The following PRKN variants were observed in gnomAD, a reference collection of about 807,000 sequenced individuals.
PRKN encodes the protein E3 ubiquitin-protein ligase parkin.
PRKN carries 56 observed loss-of-function variants against 59.5 expected under a neutral mutation model. The observed-to-expected ratio is 0.94, with a 90% CI of 0.76 to 1.18. PRKN has a LOEUF of 1.18. PRKN is among the 50% of genes most tolerant of loss of function. The probability of loss-of-function intolerance (pLI) is 0.00; values close to 1 mark genes in which losing one functional copy is unlikely to be tolerated. For missense variants in PRKN, 657 were observed against 596.4 expected (o/e 1.10, Z -1.06); for synonymous variants, 250 against 222.1 (o/e 1.13, Z -1.12).
rs978163553 is a variant in PRKN, at chr6:161,379,065, G to T, written c.1167+7729C>A. ...GAAAGGGAGTTGCCATCCTGGAAGG[G>T]GTAACTGACTCTCAGGAGCAGGCAG... On this transcript the variant is annotated intron_variant, in intron 10 of 11. Transcript: ENST00000366898. The surrounding 1 kb of genome is among the most constrained non-coding windows in gnomAD (Gnocchi z 4.9). Among the ~76,000 whole-genome samples, 13 of 152,168 alleles carry T rather than the reference G, an allele frequency of 8.5e-5. No individual in the cohort carries two copies. Among genetic ancestry groups the T allele is most frequent in the Non-Finnish European group, 1.8e-4 (12 of 68,034 alleles).
At chr6:161,777,282 T>C (rs1314251859) in intron 7 of PRKN, among the ~76,000 whole-genome samples, 1 of 152,150 alleles carries the variant, frequency 6.6e-6, no homozygotes. Flanking sequence ...ATCCTACCCT[T>C]AGAAAGTATA....
At chr6:162,287,559 C>A (rs1781250461) in intron 2 of PRKN, among the ~76,000 whole-genome samples, 1 of 152,040 alleles carries the variant, frequency 6.6e-6, no homozygotes, top group South Asian at 2.1e-4. Flanking sequence ...CAGAGAGAGA[C>A]CTTGCTCCTT....
intron 1 of PRKN, among the ~76,000 whole-genome samples, chr6:162,647,163 G>A (rs1228270711): frequency 2.6e-5 from 4 of 151,902 alleles, no homozygotes; most frequent in Admixed American, 1.3e-4. Flanking sequence ...TAGAGAGAAA[G>A]AATAATAATA....
rs925064587 is a variant in PRKN at position 161,467,744 on chromosome 6, C to A, written c.1084-80867G>T. ...AACAGAACACCAACTATGTGCCCAG[C>A]AAAATTCTACTTTTCCAGCCTTGCT... On this transcript the variant is annotated intron_variant, in intron 9 of 11. Transcript: ENST00000366898. The surrounding 1 kb of genome is among the most constrained non-coding windows in gnomAD (Gnocchi z 4.3). Among the ~76,000 whole-genome samples the A allele has an allele frequency of 1.3e-5, 2 of 152,114 alleles. No individual in the cohort carries two copies. Among genetic ancestry groups the A allele is most frequent in the Admixed American group, 6.5e-5 (1 of 15,282 alleles).
At position 161,354,441 on chromosome 6, in the gene PRKN, GA is replaced by G. The variant is rs1472075785; in HGVS notation, c.1286-4231del. Among the ~76,000 whole-genome samples the G allele has an allele frequency of 6.6e-6, 1 of 152,202 alleles. No individual in the cohort carries two copies. Among genetic ancestry groups the G allele is most frequent in the Admixed American group, 6.5e-5 (1 of 15,274 alleles). On this transcript the variant is annotated intron_variant, in intron 11 of 11. Coordinates refer to ENST00000366898, the MANE Select transcript of PRKN (RefSeq NM_004562.3). The surrounding 1 kb of genome is among the most constrained non-coding windows in gnomAD (Gnocchi z 6.7). ...CAGCAATTCTTCCACTAGATTTAATGAGAGCGTGGAAGTCCCTGAACAACCT... is the reference window on the plus strand; with the variant it reads ...CAGCAATTCTTCCACTAGATTTAATGGAGCGTGGAAGTCCCTGAACAACCT...
At chr6:161,650,083 G>A (rs982235843) in intron 7 of PRKN, among the ~76,000 whole-genome samples, 1 of 152,150 alleles carries the variant, frequency 6.6e-6, no homozygotes, top group South Asian at 2.1e-4. Flanking sequence ...AGTCCCCAGA[G>A]GTCAAGTTAT....
chr6:161,500,636 C>T (rs1156696972), intron 9 of PRKN, among the ~76,000 whole-genome samples: 1 of 152,168 alleles, frequency 6.6e-6, no homozygotes, highest in Middle Eastern at 3.4e-3. Flanking sequence ...CTTGACAGTA[C>T]GTTTCTTTTT....
rs1484903085 is a variant in PRKN, at chr6:161,353,800, G to A, written c.1286-3589C>T. On this transcript the variant is annotated intron_variant, in intron 11 of 11. Coordinates refer to ENST00000366898, the MANE Select transcript of PRKN (RefSeq NM_004562.3). The surrounding 1 kb of genome is among the most constrained non-coding windows in gnomAD (Gnocchi z 4.8). ...CGGTGAGTGGCAGTCCTGTGGGACT[G>A]AGCCCCCAGCCTGAGGGATCAGACA... 6.6e-6 allele frequency among the ~76,000 whole-genome samples: 1 copy of A among 152,194 alleles called. No individual in the cohort carries two copies. The highest frequency in any genetic ancestry group is 2.4e-5 in the African/African-American group (1 of 41,444).
chr6:162,629,569 TA>T (rs1318132712), intron 1 of PRKN, among the ~76,000 whole-genome samples: 1 of 152,172 alleles, frequency 6.6e-6, no homozygotes, highest in African/African-American at 2.4e-5. Flanking sequence ...AATTAATTGA[TA>T]AAAGTTTCAG....
chr6:162,315,511 T>C (rs1208406489), intron 2 of PRKN, among the ~76,000 whole-genome samples: 1 of 152,164 alleles, frequency 6.6e-6, no homozygotes, highest in Non-Finnish European at 1.5e-5. Flanking sequence ...TTCAAATTTG[T>C]TGTTCATCTG....
rs62436811 is a variant in PRKN at position 161,641,854 on chromosome 6, A to G, written c.872-72438T>C. Among the ~76,000 whole-genome samples the G allele has an allele frequency of 2.5e-3, 379 of 152,352 alleles. 1 individual carries two copies. The highest frequency in any genetic ancestry group is 4.8e-3 in the Non-Finnish European group (324 of 68,030). On this transcript the variant is annotated intron_variant, in intron 7 of 11. Coordinates refer to ENST00000366898, the MANE Select transcript of PRKN (RefSeq NM_004562.3). ...ATGGGCTGGGTAGTACCATTCCTGT[A>G]AATTCCCTTGCAGACAACATTAAAA...
chr6:162,441,209 A>G, intron 2 of PRKN, among the ~76,000 whole-genome samples: 1 of 152,108 alleles, frequency 6.6e-6, no homozygotes, highest in East Asian at 1.9e-4. Flanking sequence ...CCGGGTCTTC[A>G]GACTTCCCAT....
intron 6 of PRKN, among the ~76,000 whole-genome samples, chr6:161,902,556 A>ATCTATTTTTTTTTTTTTTTT (rs1382089937): frequency 1.7e-5 from 2 of 118,194 alleles, no homozygotes; most frequent in South Asian, 2.7e-4. Flanking sequence ...CTATTTATTT[A>ATCTATTTTTTTTTTTTTTTT]TTTATTTATT....
At chr6:162,533,970 CAA>C (rs139214272) in intron 1 of PRKN, among the ~76,000 whole-genome samples, 166 of 82,884 alleles carry the variant, frequency 2.0e-3, no homozygotes, top group African/African-American at 6.5e-3. Context: ...GACTCCATCT[CAA>C]AAAAAAAAAA....
chr6:162,118,208 A>G (rs888679917), intron 4 of PRKN, among the ~76,000 whole-genome samples: 1 of 152,060 alleles, frequency 6.6e-6, no homozygotes, highest in Admixed American at 6.6e-5. Flanking sequence ...TCAGGAGATC[A>G]AGACCATCCT....
rs993834617 is a variant in PRKN at position 161,440,359 on chromosome 6, C to T, written c.1084-53482G>A. Among the ~76,000 whole-genome samples, 1 of 152,152 alleles carries T rather than the reference C, an allele frequency of 6.6e-6. No individual in the cohort carries two copies. The highest frequency in any genetic ancestry group is 6.5e-5 in the Admixed American group (1 of 15,276). On this transcript the variant is annotated intron_variant, in intron 9 of 11. Transcript: ENST00000366898. The surrounding 1 kb of genome is among the most constrained non-coding windows in gnomAD (Gnocchi z 4.1). ...CAGAGTGCCACTGGTGTCTAGCAGA[C>T]AGAGGCCAGAGACTCTGCTAAACAT... is the stretch of plus-strand genomic sequence containing the variant.
intron 2 of PRKN, among the ~76,000 whole-genome samples, chr6:162,356,154 T>G (rs575828582): frequency 2.2e-4 from 33 of 152,302 alleles, no homozygotes; most frequent in Admixed American, 1.2e-3. Context: ...ATTTCTGTAA[T>G]TAAATATCTT....
At chr6:161,928,549 C>T (rs1373817565) in intron 6 of PRKN, among the ~76,000 whole-genome samples, 1 of 152,148 alleles carries the variant, frequency 6.6e-6, no homozygotes, top group African/African-American at 2.4e-5. Flanking sequence ...TTAAGTGGTT[C>T]CGTATGGACT....
At chr6:162,186,694 C>T (rs1392018913) in intron 4 of PRKN, among the ~76,000 whole-genome samples, 6 of 152,146 alleles carry the variant, frequency 3.9e-5, no homozygotes, top group Non-Finnish European at 7.3e-5. Flanking sequence ...TAGCGCCATC[C>T]CTCTGGTGCT....
Sources: gnomAD v4.1 joint callset for allele counts (sites outside exome capture counted in the v4.1 genomes callset) on GRCh38, gnomAD v4.1.1 for gene constraint, Gnocchi (gnomAD v3.1) non-coding constraint, MANE v1.5 for transcripts, NCBI Gene and HGNC (gene_info 2026-07-23, HGNC 2026-07-21) for gene names.